NRF1: variants seen among roughly 807,000 people sequenced by gnomAD.
NRF1 encodes the protein alpha palindromic-binding protein.
In NRF1, 5 loss-of-function variants were observed where a neutral mutation model predicts 58.5. The observed-to-expected ratio is 0.09, with a 90% CI of 0.04 to 0.18. The LOEUF is 0.18. Ranked by LOEUF, NRF1 falls within the 10% of genes least tolerant of loss-of-function variation. NRF1 has a pLI of 1.00. For synonymous variants in NRF1, 224 were observed against 246.7 expected, an observed-to-expected ratio of 0.91 and a Z score of 0.86; for missense variants, 288 against 657.7, an observed-to-expected ratio of 0.44 and a Z score of 6.15.
At chr7:129,732,685 C>T (rs1396765606) in intron 10 of NRF1, among the ~76,000 whole-genome samples, 1 of 152,074 alleles carries the variant, frequency 6.6e-6, no homozygotes, top group Non-Finnish European at 1.5e-5. Context: ...TCACCGCAAC[C>T]TCTGCCTCCT....
chr7:129,753,907 TTTTTC>T (rs1464916262), intron 10 of NRF1, among the ~76,000 whole-genome samples: 3 of 152,004 alleles, frequency 2.0e-5, no homozygotes, highest in Non-Finnish European at 4.4e-5. Context: ...AGGGACAAGA[TTTTTC>T]TTTTCAAGCT....
intron 10 of NRF1, among the ~76,000 whole-genome samples, chr7:129,743,555 A>G (rs1803899162): frequency 6.6e-6 from 1 of 152,214 alleles, no homozygotes; most frequent in Admixed American, 6.5e-5. Context: ...CCCACGTAAA[A>G]TAACAATACT....
At chr7:129,679,269 G>A (rs946907532) in intron 4 of NRF1, among the ~76,000 whole-genome samples, 3 of 152,184 alleles carry the variant, frequency 2.0e-5, no homozygotes, top group Non-Finnish European at 2.9e-5. Context: ...CAATGTATGT[G>A]TCATACTCAC....
rs11329613 is a variant in NRF1, at chr7:129,656,120, G to GT, written c.-6-1216dup. On this transcript the variant is annotated intron_variant, in intron 1 of 10. Transcript: ENST00000393232. ...TGGATCATGTGGTACTTCTATTTTT[G>GT]TTTTTTTTTTGAGGAACTAATATGT... Among the ~76,000 whole-genome samples the GT allele has an allele frequency of 1.5e-3, 220 of 146,474 alleles. No individual in the cohort carries two copies. The East Asian group carries it at 0.017, about 11-fold the overall frequency.
chr7:129,750,584 G>A (rs1804092227), intron 10 of NRF1, among the ~76,000 whole-genome samples: 1 of 152,168 alleles, frequency 6.6e-6, no homozygotes, highest in Non-Finnish European at 1.5e-5. Flanking sequence ...CAAGGCATGC[G>A]AGGTTATGAA....
chr7:129,733,449 G>C (rs1379122880), intron 10 of NRF1, among the ~76,000 whole-genome samples: 1 of 146,268 alleles, frequency 6.8e-6, no homozygotes, highest in Non-Finnish European at 1.5e-5. Context: ...CCTGGGTATA[G>C]AGCGAGACTC....
intron 2 of NRF1, among the ~76,000 whole-genome samples, chr7:129,661,174 C>T (rs1801771953): frequency 6.6e-6 from 1 of 151,302 alleles, no homozygotes; most frequent in Non-Finnish European, 1.5e-5. Context: ...CTAGGCTGTG[C>T]CCAGCACAGG....
At chr7:129,731,163 C>T (rs987200312) in intron 10 of NRF1, among the ~76,000 whole-genome samples, 13 of 151,530 alleles carry the variant, frequency 8.6e-5, no homozygotes, top group Non-Finnish European at 1.8e-4. Flanking sequence ...CCCAGCGAAT[C>T]GGGAGTTCCA....
chr7:129,611,808 A>G lies in NRF1; in HGVS notation c.-23A>G. The G allele has an allele frequency of 4.5e-6, 1 of 224,142 alleles. No individual in the cohort carries two copies. The highest frequency in any genetic ancestry group is 1.7e-4 in the South Asian group (1 of 5,892). The allele number at this position is 224,142 out of a possible 1,614,324, so 13.9% of individuals were successfully genotyped here. A position where few individuals can be genotyped will look rare whatever the true frequency, so the allele number is the denominator to read the frequency against. On this transcript the variant is annotated 5_prime_UTR_variant, in exon 1 of 11. Coordinates refer to ENST00000393232, the MANE Select transcript of NRF1 (RefSeq NM_005011.5). ...AGTCTCCACGGCGCAGGCCCACGGT[A>G]GCGCAGCCGCTCTGAGGTGAGTGCC... is the stretch of plus-strand genomic sequence containing the variant.
At chr7:129,682,489 C>G (rs1008771376) in intron 4 of NRF1, among the ~76,000 whole-genome samples, 7 of 151,402 alleles carry the variant, frequency 4.6e-5, no homozygotes, top group Non-Finnish European at 1.0e-4. Flanking sequence ...AAAAAAACCC[C>G]GCAATGATAG....
At chr7:129,683,581 C>T (rs907338680) in intron 4 of NRF1, among the ~76,000 whole-genome samples, 7 of 150,262 alleles carry the variant, frequency 4.7e-5, no homozygotes, top group Admixed American at 2.7e-4. Context: ...CCACCTGCCT[C>T]GGCTTCCCAA....
intron 10 of NRF1, among the ~76,000 whole-genome samples, chr7:129,736,018 T>A (rs1337507295): frequency 6.6e-6 from 1 of 151,958 alleles, no homozygotes; most frequent in East Asian, 1.9e-4. Flanking sequence ...AATAAATAAA[T>A]AAAATACAAA....
chr7:129,746,607 T>C (rs1803981643), intron 10 of NRF1, among the ~76,000 whole-genome samples: 1 of 152,206 alleles, frequency 6.6e-6, no homozygotes, highest in African/African-American at 2.4e-5. Context: ...CACCTATAGA[T>C]ACCGTTGCTG....
chr7:129,657,336 C>T lies in NRF1; in HGVS notation c.-6-10C>T, dbSNP rs1562961665. The T allele has an allele frequency of 6.3e-6, 10 of 1,583,668 alleles. No homozygotes were observed. In the Admixed American group the frequency reaches 8.5e-5, roughly 14 times the overall value. Reference sequence around the variant, plus strand: ...GAATCCTGTTCTTTTTCTTTTTTGTCTGACAGTAGAACTTCATGGAGGAAC... The same window carrying T: ...GAATCCTGTTCTTTTTCTTTTTTGTTTGACAGTAGAACTTCATGGAGGAAC... On this transcript the variant is annotated splice_polypyrimidine_tract_variant and intron_variant, in intron 1 of 10. Transcript: ENST00000393232.
rs768319913 is a variant in NRF1, at chr7:129,650,408, C to A, written c.-6-6938C>A. Among the ~76,000 whole-genome samples, 14 of 151,984 alleles carry A rather than the reference C, an allele frequency of 9.2e-5. No homozygotes were observed. In the East Asian group the frequency reaches 9.6e-4, roughly 10 times the overall value. On this transcript the variant is annotated intron_variant, in intron 1 of 10. Coordinates refer to ENST00000393232, the MANE Select transcript of NRF1 (RefSeq NM_005011.5). ...TAGGGGCCTTGGTTTCCTATAGTTT[C>A]TTTATTTTATGTCTAGGAGAACAAT...
At chr7:129,754,586 A>T (rs1804207840) in intron 10 of NRF1, among the ~76,000 whole-genome samples, 1 of 151,750 alleles carries the variant, frequency 6.6e-6, no homozygotes. Flanking sequence ...GTTGGCCAGC[A>T]GGTGCAAAGG....
intron 2 of NRF1, among the ~76,000 whole-genome samples, chr7:129,667,998 C>T (rs1027501348): frequency 3.3e-5 from 5 of 152,126 alleles, no homozygotes; most frequent in Non-Finnish European, 7.4e-5. Context: ...CTCCTGGCCT[C>T]AAGCAGTCCT....
At chr7:129,706,680 T>C (rs1802957851) in intron 5 of NRF1, among the ~76,000 whole-genome samples, 1 of 152,120 alleles carries the variant, frequency 6.6e-6, no homozygotes, top group Non-Finnish European at 1.5e-5. Context: ...CATTGAGTTA[T>C]TGGAACTCAG....
chr7:129,687,625 A>T (rs903867073), intron 4 of NRF1, among the ~76,000 whole-genome samples: 3 of 152,194 alleles, frequency 2.0e-5, no homozygotes, highest in Non-Finnish European at 4.4e-5. Context: ...AGTAGACAAC[A>T]GCCAAGACTC....
Sources: allele counts gnomAD v4.1 joint callset (sites outside exome capture counted in the v4.1 genomes callset), GRCh38; gene constraint gnomAD v4.1.1; transcripts MANE v1.5; gene names NCBI Gene and HGNC (gene_info 2026-07-23, HGNC 2026-07-21).